The following SIGLEC11 variants were observed in gnomAD, a reference collection of about 807,000 sequenced individuals.
The protein encoded by SIGLEC11 is sialic acid binding Ig like lectin 11, also known as sialic acid-binding Ig-like lectin 11.
Under a neutral mutation model 61.2 loss-of-function variants are expected in SIGLEC11, and 47 were observed. The observed-to-expected ratio is 0.77, with a 90% CI of 0.61 to 0.98. SIGLEC11 has a LOEUF of 0.98. SIGLEC11 is among the 50% of genes least tolerant of loss of function. The probability of loss-of-function intolerance (pLI) is 0.00; values close to 1 mark genes in which losing one functional copy is unlikely to be tolerated. For missense variants in SIGLEC11, 610 were observed against 870.3 expected (o/e 0.70, Z 3.76); for synonymous variants, 278 against 373.1 (o/e 0.75, Z 2.94).
At chr19:49,950,890 A>C (rs1479559509) in intron 10 of SIGLEC11, among the ~76,000 whole-genome samples, 2 of 152,236 alleles carry the variant, frequency 1.3e-5, no homozygotes, top group African/African-American at 4.8e-5. Context: ...CACAATTGTG[A>C]AACTGAGCTA....
In SIGLEC11 at chr19:49,958,524, A is replaced by G. The variant is rs1181456333; in HGVS notation, c.1410T>C (p.Gly470=). 1 of 1,595,748 alleles carries G rather than the reference A, an allele frequency of 6.3e-7. No homozygotes were observed. Among genetic ancestry groups the G allele is most frequent in the Non-Finnish European group, 8.5e-7 (1 of 1,171,548 alleles). Residue 470 remains glycine (G), a synonymous_variant, in exon 8 of 11, where the codon GGT becomes GGC. Coordinates refer to ENST00000447370, the MANE Select transcript of SIGLEC11 (RefSeq NM_052884.3). The stretch of plus-strand genomic sequence containing the variant: ...CCTGGGAGGAGCAGCTGCAGTGCAG[A>G]CCCTCAGCCTCCCAGGAGCAGGAGG... The part of the protein sequence containing the change: ...LGPSCSWEAE[G]LHCSCSSQAS...
rs996796397 is a variant in SIGLEC11 at position 49,958,139 on chromosome 19, C to T, written c.1651+144G>A. On this transcript the variant is annotated intron_variant, in intron 8 of 10. Coordinates refer to ENST00000447370, the MANE Select transcript of SIGLEC11 (RefSeq NM_052884.3). ...GCTCTCTCCGTTCCTCAGTTTCCCG[C>T]AACAACTACCAGCCACAGAGCAGGG... The T allele has an allele frequency of 5.4e-5, 65 of 1,193,446 alleles. 1 individual carries two copies. The highest frequency in any genetic ancestry group is 7.5e-5 in the Non-Finnish European group (64 of 852,636). The allele number at this position is 1,193,446 out of a possible 1,614,324, so 73.9% of individuals were successfully genotyped here. A position where few individuals can be genotyped will look rare whatever the true frequency, so the allele number is the denominator to read the frequency against.
chr19:49,960,597 C>T lies in SIGLEC11; in HGVS notation c.415G>A (p.Val139Met), dbSNP rs751895660. 5 of 1,599,402 alleles carry T rather than the reference C, an allele frequency of 3.1e-6. No homozygotes were observed. Among genetic ancestry groups the T allele is most frequent in the Admixed American group, 1.7e-5 (1 of 59,670 alleles). ...GCATTGCTCAGGAAACTATGTCTCA[C>T]ACGGCTTCCTCTCTCCACCCGAAAG... is the stretch of plus-strand genomic sequence containing the variant. The part of the protein sequence containing the change: ...YFFRVERGSR[V>M]RHSFLSNAFF... Residue 139 changes from valine to methionine, a missense_variant, in exon 2 of 11, where the codon GTG (valine) becomes ATG (methionine). Val to Met is a conservative substitution (Grantham distance 21). Coordinates refer to ENST00000447370, the MANE Select transcript of SIGLEC11 (RefSeq NM_052884.3).
rs2076149409 is a variant in SIGLEC11, at chr19:49,950,105, G to A, written c.1962C>T (p.Leu654=). Residue 654 remains leucine (L), a synonymous_variant, in exon 11 of 11, where the codon CTC becomes CTT. Transcript: ENST00000447370. Reference sequence around the variant, plus strand: ...GGGCCTCCTGGTCCGCAGGCTCCCAGAGCCTCAGGCCCTGGAAGCTGAGGG... The same window carrying A: ...GGGCCTCCTGGTCCGCAGGCTCCCAAAGCCTCAGGCCCTGGAAGCTGAGGG... ...YASLSFQGLR[L]WEPADQEAPS... The A allele has an allele frequency of 6.2e-7, 1 of 1,612,304 alleles. No individual in the cohort carries two copies. The highest frequency in any genetic ancestry group is 8.5e-7 in the Non-Finnish European group (1 of 1,179,226).
chr19:49,960,511 T>C lies in SIGLEC11; in HGVS notation c.460+41A>G, dbSNP rs773573738. ...GCCCATAGCCTGTCCCCAGGGTCCC[T>C]CCCCAGTGTGACAGGCAGGGGTTCC... On this transcript the variant is annotated intron_variant, in intron 2 of 10. Transcript: ENST00000447370. 9 of 1,589,268 alleles carry C rather than the reference T, an allele frequency of 5.7e-6. No individual in the cohort carries two copies. The East Asian group carries it at 1.6e-4, about 28-fold the overall frequency.
In SIGLEC11 at chr19:49,950,235, C is replaced by A. The variant is rs2076150868; in HGVS notation, c.1832G>T (p.Gly611Val). 6.3e-7 allele frequency: 1 copy of A among 1,575,276 alleles called. No homozygotes were observed. The highest frequency in any genetic ancestry group is 8.6e-7 in the Non-Finnish European group (1 of 1,162,748). ...VPSTLGPISQGHQHECSAGSS... is the reference protein window; with the variant it reads ...VPSTLGPISQVHQHECSAGSS... ...GCCTGCCGAGCATTCATGCTGGTGA[C>A]CCTGAATGCAGGGGAGAAAGGGGGT... The change falls in exon 11 of 11, where the codon GGT becomes GTT. Residue 611 changes from glycine to valine, a missense_variant and splice_region_variant. Coordinates refer to ENST00000447370, the MANE Select transcript of SIGLEC11 (RefSeq NM_052884.3).
At position 49,952,408 on chromosome 19, in the gene SIGLEC11, G is replaced by A. The variant is rs374106135; in HGVS notation, c.1652-14C>T. ...GCTCCAGCTTCCCTGCATGGGAGCA[G>A]GGTTTGGGGTGGTGCCCTCCTGGCC... is the stretch of plus-strand genomic sequence containing the variant. On this transcript the variant is annotated splice_polypyrimidine_tract_variant and intron_variant, in intron 8 of 10. Coordinates refer to ENST00000447370, the MANE Select transcript of SIGLEC11 (RefSeq NM_052884.3). 6.3e-7 allele frequency: 1 copy of A among 1,598,128 alleles called. No homozygotes were observed. Among genetic ancestry groups the A allele is most frequent in the Admixed American group, 1.7e-5 (1 of 59,570 alleles).
intron 6 of SIGLEC11, 52 bp from the exon 7 acceptor site, chr19:49,958,952 C>G: frequency 6.2e-7 from 1 of 1,612,638 alleles, no homozygotes. Context: ...CAGGGACCCT[C>G]CTGTGTGGGG....
intron 5 of SIGLEC11, 67 bp from the exon 6 acceptor site, chr19:49,959,144 C>A (rs1600619380): frequency 1.1e-6 from 1 of 942,514 alleles, no homozygotes; most frequent in Non-Finnish European, 1.5e-6. Flanking sequence ...AGGGAACTAT[C>A]CTGGACACTG....
intron 6 of SIGLEC11, 28 bp downstream of exon 6, chr19:49,959,002 G>C (rs1432879256): frequency 6.2e-7 from 1 of 1,613,596 alleles, no homozygotes; most frequent in African/African-American, 1.3e-5. Flanking sequence ...GCACTGAGAG[G>C]CCCTGGCTCC....
intron 8 of SIGLEC11, among the ~76,000 whole-genome samples, chr19:49,956,549 G>T (rs73932071): frequency 0.041 from 6,162 of 151,962 alleles, 354 homozygotes; most frequent in African/African-American, 0.13. Context: ...TATTCCCACT[G>T]CAACAGGGAG....
In SIGLEC11 at chr19:49,960,389, C is replaced by G. The variant is rs149239115; in HGVS notation, c.493G>C (p.Glu165Gln). The G allele has an allele frequency of 1.3e-6, 2 of 1,597,648 alleles. No homozygotes were observed. The highest frequency in any genetic ancestry group is 1.7e-6 in the Non-Finnish European group (2 of 1,178,578). ...LTKKPDVYIP[E>Q]TLEPGQPVTV... ...ACCGGCTGCCCGGGCTCCAGGGTCTCGGGGATGTAGACATCAGGCTTCTTA... is the reference window on the plus strand; with the variant it reads ...ACCGGCTGCCCGGGCTCCAGGGTCTGGGGGATGTAGACATCAGGCTTCTTA... The change falls in exon 3 of 11, where the codon GAG becomes CAG. Residue 165 changes from glutamate (E) to glutamine (Q), a missense_variant. This residue lies in a region of SIGLEC11 where 99 missense variants were observed against 131.6 expected (regional missense o/e 0.75). Transcript: ENST00000447370.
rs55957420 is a variant in SIGLEC11, at chr19:49,955,934, CAAA to C, written c.1651+2346_1651+2348del. Among the ~76,000 whole-genome samples, 9 of 91,592 alleles carry C rather than the reference CAAA, an allele frequency of 9.8e-5. No homozygotes were observed. The highest frequency in any genetic ancestry group is 2.3e-4 in the Admixed American group (2 of 8,624). The allele number at this position is 91,592 out of a possible 152,430, so 60.1% of individuals were successfully genotyped here. A position where few individuals can be genotyped will look rare whatever the true frequency, so the allele number is the denominator to read the frequency against. On this transcript the variant is annotated intron_variant, in intron 8 of 10. Coordinates refer to ENST00000447370, the MANE Select transcript of SIGLEC11 (RefSeq NM_052884.3). The surrounding 1 kb of genome is among the most constrained non-coding windows in gnomAD (Gnocchi z 4.5). ...AGGGCAACAGAGCGAGACTCCGTCT[CAAA>C]AAAAAAAAAAAAAAGAACTTGTACT...
At chr19:49,956,836 G>C (rs545215197) in intron 8 of SIGLEC11, among the ~76,000 whole-genome samples, 2 of 151,568 alleles carry the variant, frequency 1.3e-5, no homozygotes, top group African/African-American at 4.9e-5. Flanking sequence ...CAAAAATGAA[G>C]AATGTTATCT....
At chr19:49,953,291 A>G (rs2076172175) in intron 8 of SIGLEC11, among the ~76,000 whole-genome samples, 1 of 152,142 alleles carries the variant, frequency 6.6e-6, no homozygotes, top group South Asian at 2.1e-4. Flanking sequence ...CCTTTTGGGG[A>G]CCAAGGCAGG....
chr19:49,951,607 G>C lies in SIGLEC11; in HGVS notation c.1830+284C>G, dbSNP rs997869289. ...AGATAGGAGGGAGGGCAAAGGAGTC[G>C]GGGATGCAGGAGGAAATGAGGAGTG... On this transcript the variant is annotated intron_variant, in intron 10 of 10. Coordinates refer to ENST00000447370, the MANE Select transcript of SIGLEC11 (RefSeq NM_052884.3). This position sits in a 1 kb window ranked among gnomAD's most constrained non-coding sequence, Gnocchi z 4.6. 6.6e-6 allele frequency among the ~76,000 whole-genome samples: 1 copy of C among 152,200 alleles called. No individual in the cohort carries two copies. Among genetic ancestry groups the C allele is most frequent in the Non-Finnish European group, 1.5e-5 (1 of 68,000 alleles).
chr19:49,950,349 C>T (rs2076151444), intron 10 of SIGLEC11, 113 bp from the exon 11 acceptor site: 2 of 1,168,310 alleles, frequency 1.7e-6, no homozygotes, highest in South Asian at 4.0e-5. Flanking sequence ...CCTACTCATT[C>T]CACAAAGGTC....
chr19:49,958,845 C>T lies in SIGLEC11; in HGVS notation c.1161G>A (p.Leu387=), dbSNP rs749028221. ...TGCTGTGGGTGACACAGACCAGGCG[C>T]AGGCTTTGGCCCTCCAGGACCGGGA... ...TSLPVLEGQS[L]RLVCVTHSSP... is the part of the protein sequence containing the mutation. The change falls in exon 7 of 11, where the codon CTG becomes CTA. Residue 387 remains leucine, a synonymous_variant. Transcript: ENST00000447370. 6.2e-7 allele frequency: 1 copy of T among 1,609,740 alleles called. No homozygotes were observed. Among genetic ancestry groups the T allele is most frequent in the South Asian group, 1.1e-5 (1 of 90,578 alleles).
rs71180665 is a variant in SIGLEC11 at position 49,955,314 on chromosome 19, CAA to C, written c.1652-2922_1652-2921del. Among the ~76,000 whole-genome samples the C allele has an allele frequency of 2.4e-4, 25 of 102,472 alleles. No homozygotes were observed. Among genetic ancestry groups the C allele is most frequent in the Admixed American group, 2.9e-4 (3 of 10,374 alleles). The allele number at this position is 102,472 out of a possible 152,430, so 67.2% of individuals were successfully genotyped here. ...CGGGGACTGGCCCCAGAAAAAAAGCCAAAAAAAAAAAAAAAAAGAAAGGCATA... is the reference window on the plus strand; with the variant it reads ...CGGGGACTGGCCCCAGAAAAAAAGCCAAAAAAAAAAAAAAAGAAAGGCATA... On this transcript the variant is annotated intron_variant, in intron 8 of 10. Transcript: ENST00000447370. This position sits in a 1 kb window ranked among gnomAD's most constrained non-coding sequence, Gnocchi z 4.5.
Sources: gnomAD v4.1 joint callset for allele counts (sites outside exome capture counted in the v4.1 genomes callset) on GRCh38, gnomAD v4.1.1 for gene constraint, gnomAD v4.1.1 regional missense constraint, Gnocchi (gnomAD v3.1) non-coding constraint, MANE v1.5 for transcripts, NCBI Gene and HGNC (gene_info 2026-07-23, HGNC 2026-07-21) for gene names.